TECPR2: variants seen among roughly 807,000 people sequenced by gnomAD.
TECPR2 encodes tectonin beta-propeller repeat-containing protein 2.
Under a neutral mutation model 138.1 loss-of-function variants are expected in TECPR2, and 65 were observed. That is an observed-to-expected ratio of 0.47 (90% confidence interval 0.39 to 0.58). The LOEUF (loss-of-function observed/expected upper bound fraction) is 0.58. Ranked by LOEUF, TECPR2 falls within the 20% of genes least tolerant of loss-of-function variation. The pLI is 0.00. For synonymous variants in TECPR2, 746 were observed against 749.8 expected, an observed-to-expected ratio of 0.99 and a Z score of 0.08; for missense variants, 1,553 against 1,824.5, an observed-to-expected ratio of 0.85 and a Z score of 2.71.
intron 13 of TECPR2, among the ~76,000 whole-genome samples, 168 bp downstream of exon 13, chr14:102,446,115 G>A (rs1889972985): frequency 1.3e-5 from 2 of 151,984 alleles, no homozygotes; most frequent in Non-Finnish European, 2.9e-5. Context: ...CATCCAGGCG[G>A]AAGGGCAGTG....
intron 1 of TECPR2, among the ~76,000 whole-genome samples, chr14:102,372,701 C>A (rs905087679): frequency 1.3e-5 from 2 of 152,110 alleles, no homozygotes; most frequent in African/African-American, 4.8e-5. Context: ...GGGTGGATCA[C>A]CTGAGATCAG....
chr14:102,401,476 A>G (rs1595103153), intron 2 of TECPR2, among the ~76,000 whole-genome samples: 1 of 150,356 alleles, frequency 6.7e-6, no homozygotes, highest in African/African-American at 2.4e-5. Context: ...ATCCTACTAT[A>G]TGCTATATAT....
At chr14:102,437,145 T>G in intron 9 of TECPR2, 1 of 985,492 alleles carries the variant, frequency 1.0e-6, no homozygotes, top group African/African-American at 1.7e-5. Flanking sequence ...CCATTTTCTT[T>G]GAAGTAGTTA....
intron 17 of TECPR2, among the ~76,000 whole-genome samples, chr14:102,470,182 C>T (rs1156261432): frequency 3.9e-5 from 6 of 152,052 alleles, no homozygotes; most frequent in Non-Finnish European, 4.4e-5. Context: ...ATTTTTTACA[C>T]CCCATTTGTT....
In TECPR2 at chr14:102,428,231, T is replaced by G. The variant is rs763756701; in HGVS notation, c.952-19T>G. 553 of 1,357,610 alleles carry G rather than the reference T, an allele frequency of 4.1e-4. No homozygotes were observed. The highest frequency in any genetic ancestry group is 1.5e-3 in the East Asian group (53 of 35,234). The allele number at this position is 1,357,610 out of a possible 1,614,324, so 84.1% of individuals were successfully genotyped here. On this transcript the variant is annotated intron_variant, in intron 6 of 19. Transcript: ENST00000359520. ...TAGTTTTGTGTTTTTTGTTTTTTTT[T>G]TTTTTTTTTTTTTGACAGGCCACAG...
intron 1 of TECPR2, among the ~76,000 whole-genome samples, chr14:102,363,629 A>G (rs1887256177): frequency 2.0e-5 from 3 of 152,232 alleles, no homozygotes; most frequent in African/African-American, 7.2e-5. Flanking sequence ...ATTTGAAGGC[A>G]TGGGAGGCAG....
intron 2 of TECPR2, among the ~76,000 whole-genome samples, chr14:102,388,504 G>C (rs1364408590): frequency 1.3e-5 from 2 of 151,446 alleles, no homozygotes; most frequent in Non-Finnish European, 2.9e-5. Context: ...GACCAGCCTG[G>C]CCAGTATGGT....
At chr14:102,493,835 C>T (rs970726137) in intron 17 of TECPR2, among the ~76,000 whole-genome samples, 4 of 152,350 alleles carry the variant, frequency 2.6e-5, no homozygotes, top group African/African-American at 9.6e-5. Context: ...TGAGGTTCTG[C>T]GTGGAAAGTG....
intron 13 of TECPR2, 32 bp downstream of exon 13, chr14:102,445,979 G>T (rs1889966935): frequency 6.3e-7 from 1 of 1,590,842 alleles, no homozygotes; most frequent in Admixed American, 1.7e-5. Context: ...ACGTGCCGAG[G>T]TCTCCCGACC....
Position 102,497,592 on chromosome 14 carries a change from G to T in TECPR2, c.3954G>T (p.Ala1318=), listed in dbSNP as rs779731666. Residue 1318 remains alanine, a synonymous_variant, in exon 19 of 20, where the codon GCG becomes GCT. Transcript: ENST00000359520. ...CAGGGTTGCAGGCCTGCCAGCTGGC[G>T]CTGAGCACCAGGACCGTGTGGGCCC... ...HVPGLQACQL[A]LSTRTVWARC... is the part of the protein sequence containing the mutation. 3 of 1,603,934 alleles carry T rather than the reference G, an allele frequency of 1.9e-6. No homozygotes were observed. The highest frequency in any genetic ancestry group is 2.6e-6 in the Non-Finnish European group (3 of 1,174,880).
At chr14:102,489,136 C>T (rs1474472725) in intron 17 of TECPR2, among the ~76,000 whole-genome samples, 1 of 151,960 alleles carries the variant, frequency 6.6e-6, no homozygotes, top group Non-Finnish European at 1.5e-5. Context: ...CCCACCTCGG[C>T]CTCCCAAAGT....
At chr14:102,392,494 AT>A (rs1205878777) in intron 2 of TECPR2, among the ~76,000 whole-genome samples, 5 of 151,606 alleles carry the variant, frequency 3.3e-5, no homozygotes, top group African/African-American at 1.2e-4. Flanking sequence ...ATTCTCTTGG[AT>A]TTTTTCATTT....
chr14:102,496,131 C>T (rs1473958539), intron 17 of TECPR2, among the ~76,000 whole-genome samples: 5 of 152,356 alleles, frequency 3.3e-5, no homozygotes, highest in Non-Finnish European at 5.9e-5. Flanking sequence ...CCATGGAGGC[C>T]GACCAGGAGG....
chr14:102,465,330 A>G, intron 17 of TECPR2, 41 bp downstream of exon 17: 3 of 1,605,224 alleles, frequency 1.9e-6, no homozygotes, highest in Non-Finnish European at 2.6e-6. Context: ...CTTCAGTAAG[A>G]CAGAAACTGT....
At position 102,449,779 on chromosome 14, in the gene TECPR2, T is replaced by C. The variant is rs767103062; in HGVS notation, c.3226T>C (p.Cys1076Arg). 5.6e-6 allele frequency: 9 copies of C among 1,614,118 alleles called. 1 individual carries two copies. The South Asian group carries it at 8.8e-5, about 16-fold the overall frequency. ...RMAFWSQQLQ[C>R]QPSLLGVNNS... ...GGCGTTTTGGTCCCAGCAGCTTCAG[T>C]GCCAGCCAAGCCTTCTCGGGGTCAA... The change falls in exon 14 of 20, where the codon TGC (cysteine) becomes CGC (arginine). Residue 1076 changes from cysteine to arginine, a missense_variant. By Grantham distance (180) the Cys-to-Arg change is radical. Coordinates refer to ENST00000359520, the MANE Select transcript of TECPR2 (RefSeq NM_014844.5).
intron 17 of TECPR2, among the ~76,000 whole-genome samples, chr14:102,481,353 T>A (rs1402222424): frequency 6.6e-6 from 1 of 152,196 alleles, no homozygotes; most frequent in African/African-American, 2.4e-5. Flanking sequence ...TTCACTGTGT[T>A]GGCCAGGCTG....
intron 16 of TECPR2, among the ~76,000 whole-genome samples, chr14:102,455,473 G>T (rs982886472): frequency 2.0e-5 from 3 of 152,140 alleles, no homozygotes; most frequent in South Asian, 2.1e-4. Context: ...TCCAGGTGGG[G>T]TCTCACTCTG....
chr14:102,447,594 G>A (rs951809236), intron 13 of TECPR2, among the ~76,000 whole-genome samples: 8 of 152,076 alleles, frequency 5.3e-5, no homozygotes, highest in Non-Finnish European at 1.0e-4. Flanking sequence ...GAGTACAATG[G>A]CGCAATCTCG....
At chr14:102,383,157 C>T (rs1209275021) in intron 2 of TECPR2, among the ~76,000 whole-genome samples, 1 of 152,206 alleles carries the variant, frequency 6.6e-6, no homozygotes, top group Non-Finnish European at 1.5e-5. Flanking sequence ...AGAAGATTCT[C>T]TTGTGCTACC....
Sources: allele counts gnomAD v4.1 joint callset (sites outside exome capture counted in the v4.1 genomes callset), GRCh38; gene constraint gnomAD v4.1.1; transcripts MANE v1.5; gene names NCBI Gene and HGNC (gene_info 2026-07-23, HGNC 2026-07-21).